CDH23: variants seen among roughly 807,000 people sequenced by gnomAD.
CDH23 encodes cadherin related 23, also known as cadherin-23.
In CDH23, 189 loss-of-function variants were observed where a neutral mutation model predicts 317.1. The observed-to-expected ratio is 0.60, with a 90% CI of 0.53 to 0.67. The LOEUF (loss-of-function observed/expected upper bound fraction) is 0.67. Among genes scored for constraint, CDH23 ranks in the 30% least tolerant of loss-of-function variants. The pLI, the probability that CDH23 is intolerant of heterozygous loss-of-function variation, is 0.00. For missense variants in CDH23, 4,401 were observed against 4,592.4 expected (o/e 0.96, Z 1.20); for synonymous variants, 1,839 against 1,876.8 (o/e 0.98, Z 0.52).
At chr10:71,442,457 C>T (rs1470928835) in intron 2 of CDH23, among the ~76,000 whole-genome samples, 2 of 152,164 alleles carry the variant, frequency 1.3e-5, no homozygotes, top group African/African-American at 2.4e-5. Flanking sequence ...ACACTGCCCT[C>T]GCCACTTTGT....
At chr10:71,478,978 T>C (rs544597793) in intron 3 of CDH23, among the ~76,000 whole-genome samples, 2 of 152,210 alleles carry the variant, frequency 1.3e-5, no homozygotes, top group Non-Finnish European at 2.9e-5. Context: ...GGAGACTTTA[T>C]GCATTTGGGT....
At chr10:71,798,085 T>C (rs918259879) in intron 49 of CDH23, among the ~76,000 whole-genome samples, 8 of 152,134 alleles carry the variant, frequency 5.3e-5, no homozygotes, top group Admixed American at 3.9e-4. Context: ...ATCTTGCCCT[T>C]TCTCATTGAG....
At chr10:71,777,364 A>G (rs752381846) in intron 38 of CDH23, among the ~76,000 whole-genome samples, 2 of 152,064 alleles carry the variant, frequency 1.3e-5, no homozygotes, top group Non-Finnish European at 2.9e-5. Context: ...TCACTAGACC[A>G]CTGTGCTAAC....
At chr10:71,741,579 G>C (rs989664149) in intron 37 of CDH23, 115 bp from the exon 38 acceptor site, 4 of 796,074 alleles carry the variant, frequency 5.0e-6, no homozygotes, top group Non-Finnish European at 8.3e-6. Flanking sequence ...CTCTGGGGTA[G>C]ATGCAGCAAA....
rs1849006230 is a variant in CDH23, at chr10:71,425,232, G to GAGAGAGAGAGAGA, written c.-5-14595_-5-14594insAGAGAGAGAGAGA. Among the ~76,000 whole-genome samples the GAGAGAGAGAGAGA allele has an allele frequency of 3.7e-4, 27 of 73,964 alleles. 1 individual carries two copies. The highest frequency in any genetic ancestry group is 1.2e-3 in the African/African-American group (25 of 21,554). The allele number at this position is 73,964 out of a possible 152,430, so 48.5% of individuals were successfully genotyped here. A position where few individuals can be genotyped will look rare whatever the true frequency, so the allele number is the denominator to read the frequency against. ...ATCACAGTGGGGCAGAGAGAGAGAG[G>GAGAGAGAGAGAGA]GAGAGAGAGAGAGAGAGAGAGAGAG... On this transcript the variant is annotated intron_variant, in intron 1 of 69. Coordinates refer to ENST00000224721, the MANE Select transcript of CDH23 (RefSeq NM_022124.6).
At chr10:71,689,213 CAGGGATGGTGG>C (rs1865090639) in intron 19 of CDH23, among the ~76,000 whole-genome samples, 2 of 91,294 alleles carry the variant, frequency 2.2e-5, no homozygotes, top group Non-Finnish European at 2.3e-5. Flanking sequence ...TTGGTGGAGT[CAGGGATGGTGG>C]AGTCAGTATG....
chr10:71,651,553 C>CAAAAAA (rs35848156), intron 14 of CDH23, among the ~76,000 whole-genome samples: 10 of 135,828 alleles, frequency 7.4e-5, no homozygotes, highest in African/African-American at 2.8e-4. Context: ...GACCCTATCT[C>CAAAAAA]AAAAAAAAAA....
At chr10:71,545,408 C>T (rs1211196026) in intron 6 of CDH23, among the ~76,000 whole-genome samples, 2 of 152,182 alleles carry the variant, frequency 1.3e-5, no homozygotes, top group African/African-American at 2.4e-5. Flanking sequence ...TTCAGGTTGT[C>T]GTCATCAATG....
intron 14 of CDH23, among the ~76,000 whole-genome samples, chr10:71,654,273 G>A (rs184534304): frequency 1.6e-4 from 24 of 152,290 alleles, no homozygotes; most frequent in Non-Finnish European, 3.4e-4. Flanking sequence ...GAGGCCCTGC[G>A]TGCTCATGTT....
At chr10:71,659,568 A>G (rs1306197711) in intron 14 of CDH23, among the ~76,000 whole-genome samples, 4 of 152,230 alleles carry the variant, frequency 2.6e-5, no homozygotes, top group Non-Finnish European at 5.9e-5. Context: ...TGCCTGTCAT[A>G]AAAACGACAT....
Position 71,566,937 on chromosome 10 carries a change from G to A in CDH23, c.624+1G>A. 1 of 1,611,286 alleles carries A rather than the reference G, an allele frequency of 6.2e-7. No homozygotes were observed. The highest frequency in any genetic ancestry group is 8.5e-7 in the Non-Finnish European group (1 of 1,179,596). Reference sequence around the variant, plus strand: ...CTACCAGCTCACGGTCAACGCCACAGTGAGTCTCCATGCTGGGGCCCCGGC... The same window carrying A: ...CTACCAGCTCACGGTCAACGCCACAATGAGTCTCCATGCTGGGGCCCCGGC... On this transcript the variant is annotated splice_donor_variant, in intron 7 of 69. Transcript: ENST00000224721. LOFTEE classifies it high-confidence loss of function.
chr10:71,402,768 C>T (rs1380260208), intron 1 of CDH23, among the ~76,000 whole-genome samples: 4 of 151,496 alleles, frequency 2.6e-5, no homozygotes, highest in South Asian at 2.1e-4. Context: ...CGCACATGCG[C>T]GTTGGATGGG....
intron 1 of CDH23, among the ~76,000 whole-genome samples, chr10:71,425,371 AGAAGGAAGGAAG>A (rs71012285): frequency 6.1e-5 from 5 of 82,416 alleles, no homozygotes; most frequent in African/African-American, 9.5e-5. Context: ...AAGAGAGAGG[AGAAGGAAGGAAG>A]GAAGGAAGGA....
intron 6 of CDH23, among the ~76,000 whole-genome samples, chr10:71,543,007 G>A (rs1411094924): frequency 6.6e-6 from 1 of 152,246 alleles, no homozygotes; most frequent in Non-Finnish European, 1.5e-5. Flanking sequence ...GTGGAATTAG[G>A]CCTGTCCAGA....
intron 38 of CDH23, chr10:71,753,021 A>G: frequency 6.2e-7 from 1 of 1,611,700 alleles, no homozygotes; most frequent in Non-Finnish European, 8.5e-7. Flanking sequence ...AGACAGACAG[A>G]GAAGCTGGTC....
At chr10:71,446,276 A>T in intron 2 of CDH23, 42 bp from the exon 3 acceptor site, 1 of 1,585,734 alleles carries the variant, frequency 6.3e-7, no homozygotes, top group South Asian at 1.1e-5. Flanking sequence ...TGTAAAGCTG[A>T]TGGGGGGTAC....
At chr10:71,806,486 A>AG (rs1841728370) in intron 57 of CDH23, among the ~76,000 whole-genome samples, 1 of 151,776 alleles carries the variant, frequency 6.6e-6, no homozygotes, top group Admixed American at 6.6e-5. Flanking sequence ...AAAAAAAAAA[A>AG]GGCAGACCAA....
chr10:71,609,252 C>T (rs1860714043), intron 9 of CDH23, among the ~76,000 whole-genome samples: 1 of 151,852 alleles, frequency 6.6e-6, no homozygotes, highest in Admixed American at 6.6e-5. Context: ...AACATCAGAC[C>T]TTCTACCCCC....
intron 18 of CDH23, among the ~76,000 whole-genome samples, chr10:71,687,041 T>G (rs905138049): frequency 2.6e-5 from 4 of 152,086 alleles, no homozygotes; most frequent in African/African-American, 9.7e-5. Context: ...GCTTTAGAAC[T>G]GACAGGGGTG....
Sources: gnomAD v4.1 joint callset for allele counts (sites outside exome capture counted in the v4.1 genomes callset) on GRCh38, gnomAD v4.1.1 for gene constraint, MANE v1.5 for transcripts, NCBI Gene and HGNC (gene_info 2026-07-23, HGNC 2026-07-21) for gene names.